The following SYNGR4 variants were observed in gnomAD, a reference collection of about 807,000 sequenced individuals.
The protein encoded by SYNGR4 is synaptogyrin-4.
A neutral mutation model predicts 15.5 loss-of-function variants in SYNGR4; 15 were observed. The observed-to-expected ratio is 0.97, with a 90% confidence interval of 0.65 to 1.49. The LOEUF is 1.49. Among genes scored for constraint, SYNGR4 ranks in the 40% most tolerant of loss-of-function variants. The probability of loss-of-function intolerance (pLI) is 0.00; values close to 1 mark genes in which losing one functional copy is unlikely to be tolerated. For synonymous variants in SYNGR4, 121 were observed against 127.4 expected, an observed-to-expected ratio of 0.95 and a Z score of 0.34; for missense variants, 292 against 299.3, an observed-to-expected ratio of 0.98 and a Z score of 0.18.
intron 2 of SYNGR4, among the ~76,000 whole-genome samples, chr19:48,372,428 G>A (rs1415725788): frequency 7.2e-5 from 11 of 151,952 alleles, no homozygotes; most frequent in Non-Finnish European, 1.5e-4. Context: ...GGCGGATCAC[G>A]AGGTCAGGTG....
At chr19:48,365,600 G>C in intron 1 of SYNGR4, 136 bp from the exon 2 acceptor site, 1 of 520,056 alleles carries the variant, frequency 1.9e-6, no homozygotes, top group South Asian at 2.1e-5. Flanking sequence ...AAGAGGCTCA[G>C]CAGTCCCCTC....
intron 2 of SYNGR4, among the ~76,000 whole-genome samples, chr19:48,369,123 A>AC (rs372944871): frequency 3.1e-4 from 45 of 143,454 alleles, no homozygotes; most frequent in African/African-American, 1.1e-3. Context: ...CACCGTCCCT[A>AC]CCCCCCCGCC....
intron 3 of SYNGR4, among the ~76,000 whole-genome samples, chr19:48,374,038 T>TTCTTTGCA (rs1173419735): frequency 6.6e-6 from 1 of 151,954 alleles, no homozygotes; most frequent in African/African-American, 2.4e-5. Flanking sequence ...GCCCCGTGCC[T>TTCTTTGCA]TCTTTGCATT....
intron 2 of SYNGR4, among the ~76,000 whole-genome samples, chr19:48,371,815 A>T (rs1970312846): frequency 6.7e-6 from 1 of 148,238 alleles, no homozygotes; most frequent in Admixed American, 6.7e-5. Context: ...TCCTGAGCTC[A>T]AGCGATTCCT....
intron 2 of SYNGR4, among the ~76,000 whole-genome samples, chr19:48,368,785 CT>C (rs549751178): frequency 6.6e-6 from 1 of 152,188 alleles, no homozygotes; most frequent in East Asian, 1.9e-4. Flanking sequence ...AGAGGGGAAT[CT>C]TGAAAACCGC....
chr19:48,368,068 C>T (rs1183290238), intron 2 of SYNGR4, among the ~76,000 whole-genome samples: 1 of 152,240 alleles, frequency 6.6e-6, no homozygotes, highest in Non-Finnish European at 1.5e-5. Context: ...AATCCTGGCT[C>T]AGGCACGTGC....
At chr19:48,374,117 C>A in intron 3 of SYNGR4, among the ~76,000 whole-genome samples, 1 of 140,386 alleles carries the variant, frequency 7.1e-6, no homozygotes, top group Non-Finnish European at 1.5e-5. Flanking sequence ...CTCACTCTGT[C>A]GCCAGGCTGG....
At chr19:48,371,961 C>T (rs1333199135) in intron 2 of SYNGR4, among the ~76,000 whole-genome samples, 1 of 149,138 alleles carries the variant, frequency 6.7e-6, no homozygotes, top group Non-Finnish European at 1.5e-5. Flanking sequence ...CTCACTGCAG[C>T]CTCAACCTCC....
chr19:48,375,899 G>C, intron 4 of SYNGR4, 147 bp downstream of exon 4: 1 of 1,511,170 alleles, frequency 6.6e-7, no homozygotes, highest in African/African-American at 1.4e-5. Flanking sequence ...GTCCCTTCCA[G>C]GTGCCGCTTC....
At chr19:48,365,042 G>A (rs73049224) in intron 1 of SYNGR4, among the ~76,000 whole-genome samples, 21,424 of 145,338 alleles carry the variant, frequency 0.15, 1,731 homozygotes, top group East Asian at 0.24. Context: ...GGGACCCCCA[G>A]AATCACCCTC....
intron 2 of SYNGR4, among the ~76,000 whole-genome samples, chr19:48,372,568 T>A (rs1319853884): frequency 6.6e-6 from 1 of 151,122 alleles, no homozygotes; most frequent in Non-Finnish European, 1.5e-5. Context: ...GAGAATGGCG[T>A]GAACCCCGGG....
chr19:48,375,142 C>T (rs2147411818), intron 3 of SYNGR4, among the ~76,000 whole-genome samples: 1 of 150,874 alleles, frequency 6.6e-6, no homozygotes, highest in African/African-American at 2.4e-5. Flanking sequence ...TCTCCTGCCT[C>T]AGCCTCCTGA....
At chr19:48,376,059 T>C (rs1970397873) in intron 4 of SYNGR4, 26 bp from the exon 5 acceptor site, 1 of 1,614,066 alleles carries the variant, frequency 6.2e-7, no homozygotes, top group African/African-American at 1.3e-5. Context: ...CAAGTCAGCC[T>C]TCAGCACGCG....
rs1422400502 is a variant in SYNGR4 at position 48,365,984 on chromosome 19, G to A, written c.93+49G>A. The A allele has an allele frequency of 4.4e-6, 7 of 1,593,906 alleles. No homozygotes were observed. In the East Asian group the frequency reaches 1.6e-4, roughly 36 times the overall value. ...TGTGCCCCTGGGTGACAGGAGCCAG[G>A]AGCTCTCAACTCCCAGACACAGTGC... On this transcript the variant is annotated intron_variant, in intron 2 of 4. Transcript: ENST00000344846.
At chr19:48,368,517 T>C (rs555938488) in intron 2 of SYNGR4, among the ~76,000 whole-genome samples, 1 of 152,054 alleles carries the variant, frequency 6.6e-6, no homozygotes, top group Non-Finnish European at 1.5e-5. Context: ...GTAGCTGGGA[T>C]TACCAGCGTG....
intron 2 of SYNGR4, among the ~76,000 whole-genome samples, chr19:48,371,124 A>G (rs535037654): frequency 4.6e-5 from 7 of 152,250 alleles, no homozygotes; most frequent in East Asian, 1.9e-4. Context: ...ATCTCACACC[A>G]GAACCCTCCA....
chr19:48,374,223 GCA>G (rs1377722270), intron 3 of SYNGR4, among the ~76,000 whole-genome samples: 3 of 151,832 alleles, frequency 2.0e-5, no homozygotes, highest in African/African-American at 7.3e-5. Flanking sequence ...GATTACAGGC[GCA>G]CACCACCACA....
At chr19:48,372,165 A>T (rs1211650130) in intron 2 of SYNGR4, among the ~76,000 whole-genome samples, 1 of 152,076 alleles carries the variant, frequency 6.6e-6, no homozygotes, top group East Asian at 1.9e-4. Context: ...AATTACAGTC[A>T]TGAGCCACCT....
At chr19:48,369,333 C>T (rs1970269465) in intron 2 of SYNGR4, among the ~76,000 whole-genome samples, 1 of 152,166 alleles carries the variant, frequency 6.6e-6, no homozygotes, top group Admixed American at 6.6e-5. Context: ...AGATGAGCCC[C>T]TGCTCCTCAA....
Sources: gnomAD v4.1 joint callset for allele counts (sites outside exome capture counted in the v4.1 genomes callset) on GRCh38, gnomAD v4.1.1 for gene constraint, MANE v1.5 for transcripts, NCBI Gene and HGNC (gene_info 2026-07-23, HGNC 2026-07-21) for gene names.